TXNDC16: variants seen among roughly 807,000 people sequenced by gnomAD.
TXNDC16 encodes the protein thioredoxin domain-containing protein 16.
Under a neutral mutation model 85.6 loss-of-function variants are expected in TXNDC16, and 74 were observed. That is an observed-to-expected ratio of 0.86 (90% CI 0.72 to 1.05). TXNDC16 has a LOEUF of 1.05. Among genes scored for constraint, TXNDC16 ranks in the 50% least tolerant of loss-of-function variants. The pLI is 0.00. For missense variants in TXNDC16, 959 were observed against 947.0 expected (o/e 1.01, Z -0.17); for synonymous variants, 335 against 326.5 (o/e 1.03, Z -0.28).
At chr14:52,531,050 G>T (rs1388576484) in intron 6 of TXNDC16, among the ~76,000 whole-genome samples, 2 of 152,126 alleles carry the variant, frequency 1.3e-5, no homozygotes, top group South Asian at 2.1e-4. Context: ...TAGATAGACA[G>T]ATGGAAAATA....
intron 6 of TXNDC16, 32 bp downstream of exon 6, chr14:52,536,687 T>C (rs1236186704): frequency 6.5e-7 from 1 of 1,532,222 alleles, no homozygotes; most frequent in South Asian, 1.2e-5. Context: ...AAGTAACAAG[T>C]AAACAAATGA....
intron 9 of TXNDC16, among the ~76,000 whole-genome samples, chr14:52,494,287 T>C (rs2036482338): frequency 6.6e-6 from 1 of 152,144 alleles, no homozygotes; most frequent in South Asian, 2.1e-4. Context: ...GCCATTCCTT[T>C]GGTTACGTGA....
rs1253754561 is a variant in TXNDC16, at chr14:52,493,344, G to C, written c.757-2339C>G. 2.0e-5 allele frequency among the ~76,000 whole-genome samples: 3 copies of C among 151,732 alleles called. No homozygotes were observed. The South Asian group carries it at 6.2e-4, about 31-fold the overall frequency. ...AAGGATTAACAAACACCTGAGGAAA[G>C]CCTCTAACATGAAAGACAGAGACTA... is the stretch of plus-strand genomic sequence containing the variant. On this transcript the variant is annotated intron_variant, in intron 9 of 20. Transcript: ENST00000281741.
intron 18 of TXNDC16, among the ~76,000 whole-genome samples, chr14:52,443,820 AC>A (rs1432521028): frequency 1.3e-5 from 2 of 152,146 alleles, no homozygotes; most frequent in East Asian, 1.9e-4. Context: ...CAGTGGAAGG[AC>A]CCTACTCTTT....
At chr14:52,441,524 G>A (rs1285084648) in intron 18 of TXNDC16, among the ~76,000 whole-genome samples, 2 of 151,690 alleles carry the variant, frequency 1.3e-5, no homozygotes, top group East Asian at 1.9e-4. Context: ...CAAGACAATC[G>A]CTTGAACCCA....
At chr14:52,460,814 A>T (rs544785137) in intron 16 of TXNDC16, among the ~76,000 whole-genome samples, 18 of 152,306 alleles carry the variant, frequency 1.2e-4, no homozygotes, top group Admixed American at 1.0e-3. Context: ...TCAAAACGTG[A>T]ATGAAAGTGT....
At chr14:52,551,378 C>A (rs1362649779) in intron 1 of TXNDC16, among the ~76,000 whole-genome samples, 1 of 148,574 alleles carries the variant, frequency 6.7e-6, no homozygotes, top group Non-Finnish European at 1.5e-5. Context: ...ACTTGGGAGG[C>A]TGAGGTGGGA....
chr14:52,478,036 C>G (rs976079295), intron 14 of TXNDC16, among the ~76,000 whole-genome samples: 1 of 152,092 alleles, frequency 6.6e-6, no homozygotes, highest in Non-Finnish European at 1.5e-5. Context: ...ACCTTCAAAA[C>G]CATGCAAATA....
intron 8 of TXNDC16, 27 bp downstream of exon 8, chr14:52,514,853 T>C (rs1425407992): frequency 2.6e-6 from 4 of 1,530,892 alleles, no homozygotes; most frequent in South Asian, 1.2e-5. Context: ...AACCTTTAAA[T>C]TGTTGACATA....
intron 9 of TXNDC16, among the ~76,000 whole-genome samples, chr14:52,491,345 CT>C (rs11337974): frequency 0.022 from 2,381 of 107,516 alleles, 30 homozygotes; most frequent in African/African-American, 0.048. Flanking sequence ...CCATGCCTAG[CT>C]TTTTTTTTTT....
chr14:52,518,831 ATTTAT>A (rs941914379), intron 7 of TXNDC16, among the ~76,000 whole-genome samples: 2 of 151,994 alleles, frequency 1.3e-5, no homozygotes, highest in African/African-American at 4.8e-5. Context: ...AATTAAAATA[ATTTAT>A]TTTAATTATT....
chr14:52,485,578 T>C (rs909458380), intron 12 of TXNDC16, among the ~76,000 whole-genome samples: 2 of 152,226 alleles, frequency 1.3e-5, no homozygotes, highest in African/African-American at 4.8e-5. Context: ...GTATGTACCC[T>C]ATACAAGTGT....
chr14:52,511,116 T>G, intron 9 of TXNDC16, 124 bp downstream of exon 9: 1 of 747,616 alleles, frequency 1.3e-6, no homozygotes, highest in Non-Finnish European at 2.0e-6. Flanking sequence ...TAACTGTCAT[T>G]CATCTAGTAA....
intron 6 of TXNDC16, among the ~76,000 whole-genome samples, chr14:52,530,260 T>TAATAATATAA (rs1852111424): frequency 1.4e-5 from 1 of 70,148 alleles, no homozygotes; most frequent in Non-Finnish European, 2.3e-5. Flanking sequence ...ATATATTATA[T>TAATAATATAA]AATATATATT....
At chr14:52,530,721 G>C (rs1309155644) in intron 6 of TXNDC16, among the ~76,000 whole-genome samples, 2 of 140,902 alleles carry the variant, frequency 1.4e-5, no homozygotes, top group Admixed American at 7.9e-5. Flanking sequence ...ACATATATAA[G>C]AACACATCAG....
chr14:52,445,767 T>C (rs2035267773), intron 18 of TXNDC16, among the ~76,000 whole-genome samples: 1 of 152,194 alleles, frequency 6.6e-6, no homozygotes, highest in African/African-American at 2.4e-5. Context: ...TGTACAGGTT[T>C]GTAGCCTAGG....
chr14:52,548,648 G>A (rs1053341432), intron 1 of TXNDC16, among the ~76,000 whole-genome samples: 13 of 152,084 alleles, frequency 8.5e-5, no homozygotes, highest in African/African-American at 2.2e-4. Flanking sequence ...TTGGGAGGCC[G>A]AGACGGGTGG....
intron 18 of TXNDC16, among the ~76,000 whole-genome samples, chr14:52,443,103 T>C (rs1566529600): frequency 6.6e-6 from 1 of 152,250 alleles, no homozygotes; most frequent in East Asian, 1.9e-4. Flanking sequence ...AAGATTAACA[T>C]TTGAGTCGGT....
intron 9 of TXNDC16, among the ~76,000 whole-genome samples, chr14:52,493,956 T>C (rs1342389916): frequency 6.6e-6 from 1 of 151,806 alleles, no homozygotes; most frequent in African/African-American, 2.4e-5. Flanking sequence ...AATTTTTATA[T>C]ATTTTGTAGA....
Sources: allele counts gnomAD v4.1 joint callset (sites outside exome capture counted in the v4.1 genomes callset), GRCh38; gene constraint gnomAD v4.1.1; transcripts MANE v1.5; gene names NCBI Gene and HGNC (gene_info 2026-07-23, HGNC 2026-07-21).